The following NCMAP variants were observed in gnomAD, a reference collection of about 807,000 sequenced individuals.
The protein encoded by NCMAP is noncompact myelin-associated protein.
NCMAP carries 8 observed loss-of-function variants against 7.8 expected under a neutral mutation model. The ratio of observed to expected loss-of-function variants is 1.02; its 90% CI spans 0.60 to 1.84. The LOEUF (loss-of-function observed/expected upper bound fraction) is 1.84. Among genes scored for constraint, NCMAP ranks in the 40% most tolerant of loss-of-function variants. The pLI is 0.00. For synonymous variants in NCMAP, 41 were observed against 52.9 expected (o/e 0.78, Z 0.98); for missense variants, 112 against 131.4 (o/e 0.85, Z 0.72).
chr1:24,584,163 C>A lies in NCMAP; in HGVS notation c.-7-11261C>A, dbSNP rs552103455. On this transcript the variant is annotated intron_variant, in intron 1 of 3. Transcript: ENST00000374392. ...CCGCCCCACAGGGACAGCGGGACAC[C>A]TGGAGATTTACATGGGAGCTCCTAT... Among the ~76,000 whole-genome samples, 4 of 152,306 alleles carry A rather than the reference C, an allele frequency of 2.6e-5. No individual in the cohort carries two copies. The East Asian group carries it at 5.8e-4, about 22-fold the overall frequency.
At chr1:24,598,459 T>C (rs867312472) in intron 2 of NCMAP, among the ~76,000 whole-genome samples, 1 of 152,086 alleles carries the variant, frequency 6.6e-6, no homozygotes. Flanking sequence ...CTGCTTGGTT[T>C]TGAACTTTAT....
At chr1:24,594,550 T>C (rs773954971) in intron 1 of NCMAP, among the ~76,000 whole-genome samples, 20 of 152,292 alleles carry the variant, frequency 1.3e-4, no homozygotes, top group South Asian at 1.2e-3. Flanking sequence ...GCCTGGTACA[T>C]GGTAGATTCC....
At chr1:24,605,565 C>G in intron 3 of NCMAP, 41 bp from the exon 4 acceptor site, 1 of 1,602,302 alleles carries the variant, frequency 6.2e-7, no homozygotes, top group Non-Finnish European at 8.5e-7. Flanking sequence ...CGCGGCATAC[C>G]AGGGGAAAGA....
intron 2 of NCMAP, among the ~76,000 whole-genome samples, chr1:24,595,794 C>CTTT (rs34640170): frequency 0.016 from 1,877 of 119,336 alleles, 54 homozygotes; most frequent in Middle Eastern, 0.095. Flanking sequence ...TGGACTGTGT[C>CTTT]TTTTTTTTTT....
intron 2 of NCMAP, among the ~76,000 whole-genome samples, chr1:24,595,833 T>C (rs1570536365): frequency 6.8e-6 from 1 of 147,422 alleles, no homozygotes; most frequent in Non-Finnish European, 1.5e-5. Flanking sequence ...AGCACATGTC[T>C]TTACTGCTCT....
At chr1:24,567,427 A>G (rs1260391178) in intron 1 of NCMAP, among the ~76,000 whole-genome samples, 2 of 152,164 alleles carry the variant, frequency 1.3e-5, no homozygotes, top group Non-Finnish European at 2.9e-5. Context: ...TTGGAGAAAA[A>G]GGAAACTGAC....
chr1:24,602,525 G>A (rs868372660), intron 3 of NCMAP, among the ~76,000 whole-genome samples: 1 of 125,542 alleles, frequency 8.0e-6, no homozygotes, highest in South Asian at 2.7e-4. Context: ...AGCGGAGATC[G>A]CGCCACAGCA....
At chr1:24,605,582 C>G in intron 3 of NCMAP, 24 bp from the exon 4 acceptor site, 1 of 1,613,018 alleles carries the variant, frequency 6.2e-7, no homozygotes, top group Non-Finnish European at 8.5e-7. Context: ...AAGACTCAAC[C>G]ATGTGCACAT....
chr1:24,594,863 C>G (rs998389775), intron 1 of NCMAP, among the ~76,000 whole-genome samples: 7 of 151,746 alleles, frequency 4.6e-5, no homozygotes, highest in Non-Finnish European at 1.0e-4. Context: ...TGCACTCCAG[C>G]CTGGGCGACA....
At chr1:24,605,172 A>C (rs1163036223) in intron 3 of NCMAP, among the ~76,000 whole-genome samples, 3 of 152,132 alleles carry the variant, frequency 2.0e-5, no homozygotes, top group African/African-American at 7.2e-5. Context: ...ATTTTACGGC[A>C]TATTAAATGA....
intron 1 of NCMAP, among the ~76,000 whole-genome samples, chr1:24,593,474 C>T (rs981087062): frequency 6.6e-6 from 1 of 152,094 alleles, no homozygotes; most frequent in Non-Finnish European, 1.5e-5. Context: ...GCTGGGGCAA[C>T]AGAGTGAGAC....
intron 1 of NCMAP, among the ~76,000 whole-genome samples, chr1:24,584,680 C>T (rs889371799): frequency 2.4e-4 from 36 of 149,786 alleles, no homozygotes; most frequent in African/African-American, 7.6e-4. Context: ...ATGGGGTGGG[C>T]GGTGGGGTGG....
intron 1 of NCMAP, among the ~76,000 whole-genome samples, chr1:24,573,299 G>A (rs950930729): frequency 2.0e-5 from 3 of 150,888 alleles, no homozygotes; most frequent in Non-Finnish European, 4.4e-5. Context: ...TTAGGTGTCA[G>A]TTTGACTGGG....
chr1:24,571,146 A>G (rs888513229), intron 1 of NCMAP, among the ~76,000 whole-genome samples: 5 of 150,794 alleles, frequency 3.3e-5, no homozygotes, highest in African/African-American at 1.0e-4. Context: ...TGTGAGCCAC[A>G]TATGTTATTG....
At chr1:24,579,966 C>G (rs938925290) in intron 1 of NCMAP, among the ~76,000 whole-genome samples, 7 of 152,320 alleles carry the variant, frequency 4.6e-5, no homozygotes, top group African/African-American at 1.7e-4. Context: ...AGCTGAGCTT[C>G]CCAGACAAAT....
rs780594302 is a variant in NCMAP at position 24,595,504 on chromosome 1, T to C, written c.74T>C (p.Leu25Pro). ...LNMTTRGEDFLYKSSGAIVAA... is the reference protein window; with the variant it reads ...LNMTTRGEDFPYKSSGAIVAA... The stretch of plus-strand genomic sequence containing the variant: ...ATGACCACCAGGGGAGAAGACTTCC[T>C]GTATAAGAGTAAGGTCAAATTCGCT... Residue 25 changes from leucine (L) to proline (P), a missense_variant, in exon 2 of 4, where the codon CTG (leucine) becomes CCG (proline). Physicochemically the swap from Leu to Pro is moderately conservative, Grantham distance 98. Coordinates refer to ENST00000374392, the MANE Select transcript of NCMAP (RefSeq NM_001010980.5). 2.0e-5 allele frequency: 32 copies of C among 1,612,730 alleles called. No individual in the cohort carries two copies. The highest frequency in any genetic ancestry group is 3.3e-5 in the South Asian group (3 of 91,044).
At chr1:24,604,508 T>C (rs1443322504) in intron 3 of NCMAP, among the ~76,000 whole-genome samples, 2 of 137,802 alleles carry the variant, frequency 1.5e-5, no homozygotes, top group Middle Eastern at 4.3e-3. Flanking sequence ...CCTGGGATGT[T>C]GAGGCTGTAG....
chr1:24,578,560 C>CTTTTTTTTTTTTTTTT (rs555342098), intron 1 of NCMAP, among the ~76,000 whole-genome samples: 3 of 107,378 alleles, frequency 2.8e-5, no homozygotes, highest in African/African-American at 1.3e-4. Flanking sequence ...TTCTTTCTTT[C>CTTTTTTTTTTTTTTTT]TTTTTTTTTT....
intron 1 of NCMAP, among the ~76,000 whole-genome samples, chr1:24,592,746 G>A (rs1350896622): frequency 3.3e-5 from 5 of 151,996 alleles, no homozygotes; most frequent in South Asian, 2.1e-4. Context: ...GTGAAACCCC[G>A]TCTCTATTAA....
Sources: gnomAD v4.1 joint callset for allele counts (sites outside exome capture counted in the v4.1 genomes callset) on GRCh38, gnomAD v4.1.1 for gene constraint, MANE v1.5 for transcripts, NCBI Gene and HGNC (gene_info 2026-07-23, HGNC 2026-07-21) for gene names.